RGS3: variants seen among roughly 807,000 people sequenced by gnomAD.
RGS3 encodes the protein regulator of G protein signaling 3.
In RGS3, 80 loss-of-function variants were observed where a neutral mutation model predicts 132.6. That is an observed-to-expected ratio of 0.60 (90% CI 0.50 to 0.73). The LOEUF (loss-of-function observed/expected upper bound fraction) is 0.73. Among genes scored for constraint, RGS3 ranks in the 30% least tolerant of loss-of-function variants. RGS3 has a pLI of 0.00. For synonymous variants in RGS3, 598 were observed against 620.6 expected (o/e 0.96, Z 0.54); for missense variants, 1,382 against 1,530.8 (o/e 0.90, Z 1.62).
chr9:113,565,294 A>G lies in RGS3; in HGVS notation c.2038-18156A>G, dbSNP rs975734688. 2 of 1,289,444 alleles carry G rather than the reference A, an allele frequency of 1.6e-6. No homozygotes were observed. The highest frequency in any genetic ancestry group is 1.2e-5 in the South Asian group (1 of 81,012). The allele number at this position is 1,289,444 out of a possible 1,614,324, so 79.9% of individuals were successfully genotyped here. On this transcript the variant is annotated intron_variant, in intron 19 of 24. Coordinates refer to ENST00000350696, the Ensembl canonical transcript of RGS3. This position sits in a 1 kb window ranked among gnomAD's most constrained non-coding sequence, Gnocchi z 5.7. ...ATGAAAGTGCTTTGAGAAACCACAGAGTTTTCTGTTTAATGGAAGAAAGAA... is the reference window on the plus strand; with the variant it reads ...ATGAAAGTGCTTTGAGAAACCACAGGGTTTTCTGTTTAATGGAAGAAAGAA...
chr9:113,448,734 T>C lies in RGS3; in HGVS notation c.-13+3807T>C, dbSNP rs927513205. On this transcript the variant is annotated intron_variant, in intron 1 of 25. Transcript: ENST00000374140. ...CACTGTAAGTGCTTAATAATATATGTTGAATGAGTGAATAAATGAAAAAAT... is the reference window on the plus strand; with the variant it reads ...CACTGTAAGTGCTTAATAATATATGCTGAATGAGTGAATAAATGAAAAAAT... Among the ~76,000 whole-genome samples the C allele has an allele frequency of 2.0e-5, 3 of 152,180 alleles. No individual in the cohort carries two copies. In the South Asian group the frequency reaches 6.2e-4, roughly 32 times the overall value.
At position 113,463,742 on chromosome 9, in the gene RGS3, TG is replaced by T. The variant is rs1359965129; in HGVS notation, c.415+1545del. On this transcript the variant is annotated intron_variant, in intron 3 of 24. Coordinates refer to ENST00000350696, the Ensembl canonical transcript of RGS3. This position sits in a 1 kb window ranked among gnomAD's most constrained non-coding sequence, Gnocchi z 4.6. ...CTCCCGCCCTGGAGACTCCGGTTACTGGGGAGCAACACAGCCGCCTCGGGTT... is the reference window on the plus strand; with the variant it reads ...CTCCCGCCCTGGAGACTCCGGTTACTGGGAGCAACACAGCCGCCTCGGGTT... 2 of 1,540,156 alleles carry T rather than the reference TG, an allele frequency of 1.3e-6. No homozygotes were observed. Among genetic ancestry groups the T allele is most frequent in the African/African-American group, 2.8e-5 (2 of 72,516 alleles).
chr9:113,459,706 C>T (rs1221261737), upstream of RGS3, among the ~76,000 whole-genome samples: 1 of 151,768 alleles, frequency 6.6e-6, no homozygotes. Flanking sequence ...CATTGCACTG[C>T]AGCCTGGGTG....
rs1829485308 is a variant in RGS3 at position 113,462,027 on chromosome 9, C to T, written c.241C>T (p.His81Tyr). ...TCCCATCTTGCTCCTGCAGGTCTGC[C>T]ACGTCTCTGTGCTCAGTGTCCTCTC... The change falls in exon 3 of 25, where the codon CAC (histidine) becomes TAC (tyrosine). Residue 81 changes from histidine to tyrosine, a missense_variant. By Grantham distance (83) the His-to-Tyr change is moderately conservative (BLOSUM62 2). Transcript: ENST00000350696. 1 of 1,613,362 alleles carries T rather than the reference C, an allele frequency of 6.2e-7. No homozygotes were observed. The highest frequency in any genetic ancestry group is 1.7e-4 in the Middle Eastern group (1 of 5,720).
chr9:113,538,406 C>G (rs940786462), intron 19 of RGS3, among the ~76,000 whole-genome samples: 1 of 152,220 alleles, frequency 6.6e-6, no homozygotes, highest in Non-Finnish European at 1.5e-5. Context: ...TCTGGGACGT[C>G]GAATGGCTGA....
chr9:113,511,278 T>C (rs1478069268), intron 14 of RGS3, among the ~76,000 whole-genome samples: 6 of 151,974 alleles, frequency 3.9e-5, no homozygotes, highest in African/African-American at 1.5e-4. Flanking sequence ...ATTTGGTCGG[T>C]GAAGCAGGTG....
chr9:113,486,786 T>A (rs1211177412), intron 7 of RGS3, among the ~76,000 whole-genome samples: 2 of 152,210 alleles, frequency 1.3e-5, no homozygotes, highest in Non-Finnish European at 2.9e-5. Context: ...AGCTAATATG[T>A]TTTTTAAAAT....
At chr9:113,498,345 G>A (rs1317333738) in intron 10 of RGS3, among the ~76,000 whole-genome samples, 3 of 152,066 alleles carry the variant, frequency 2.0e-5, no homozygotes, top group Non-Finnish European at 4.4e-5. Flanking sequence ...TACTAACTTT[G>A]GGCCTCTAGA....
intron 3 of RGS3, among the ~76,000 whole-genome samples, chr9:113,468,631 A>G (rs1014248738): frequency 1.3e-5 from 2 of 152,346 alleles, no homozygotes; most frequent in East Asian, 3.9e-4. Context: ...GTTTTAAAAT[A>G]TCATCTTGAA....
chr9:113,486,435 C>T (rs1419767934), intron 7 of RGS3, among the ~76,000 whole-genome samples: 2 of 152,228 alleles, frequency 1.3e-5, no homozygotes, highest in East Asian at 3.8e-4. Flanking sequence ...TCCAAACAGG[C>T]TGATCTTGCA....
rs2119269637 is a variant in RGS3, at chr9:113,494,720, C to T, written c.690-1066C>T. 2.6e-5 allele frequency among the ~76,000 whole-genome samples: 4 copies of T among 152,342 alleles called. No homozygotes were observed. The South Asian group carries it at 8.3e-4, about 32-fold the overall frequency. On this transcript the variant is annotated intron_variant, in intron 7 of 24. Transcript: ENST00000350696. ...CAGGCTGGTCTCAAACTCCTGGGCT[C>T]AAGTGATGCCTTCCAAAGTGCTGGA...
chr9:113,519,621 A>G (rs1044779584), intron 16 of RGS3, among the ~76,000 whole-genome samples: 1 of 151,616 alleles, frequency 6.6e-6, no homozygotes, highest in African/African-American at 2.4e-5. Context: ...GTAACTTTCC[A>G]GTTAAATGGT....
chr9:113,538,108 C>T (rs776712034), intron 19 of RGS3, among the ~76,000 whole-genome samples: 8 of 152,212 alleles, frequency 5.3e-5, no homozygotes, highest in Non-Finnish European at 8.8e-5. Flanking sequence ...TAACCTGGGA[C>T]AATAGTCCTT....
chr9:113,493,687 C>A (rs1280165329), intron 7 of RGS3, among the ~76,000 whole-genome samples: 1 of 152,132 alleles, frequency 6.6e-6, no homozygotes, highest in African/African-American at 2.4e-5. Flanking sequence ...CTGGGGCAGG[C>A]ATAAGTGGGT....
intron 19 of RGS3, among the ~76,000 whole-genome samples, chr9:113,547,068 G>A (rs1372820928): frequency 6.6e-6 from 1 of 152,166 alleles, no homozygotes; most frequent in African/African-American, 2.4e-5. Context: ...CAGAAAAGGT[G>A]GAGATCCAGA....
chr9:113,447,743 A>G (rs1326072766), intron 1 of RGS3, among the ~76,000 whole-genome samples: 1 of 151,636 alleles, frequency 6.6e-6, no homozygotes, highest in Non-Finnish European at 1.5e-5. Flanking sequence ...AGCAAGTCAT[A>G]TTAGGTGCAG....
intron 3 of RGS3, among the ~76,000 whole-genome samples, 182 bp downstream of exon 1, chr9:113,464,063 AGCAAGC>A (rs1829550246): frequency 6.6e-6 from 1 of 152,196 alleles, no homozygotes. Context: ...GCTCAGTCCA[AGCAAGC>A]TGCTGGACAC....
intron 3 of RGS3, among the ~76,000 whole-genome samples, chr9:113,472,774 C>T (rs368542305): frequency 2.0e-5 from 3 of 152,080 alleles, no homozygotes; most frequent in South Asian, 2.1e-4. Context: ...TGGCCGTGCA[C>T]GGTGGCTCAA....
At chr9:113,595,209 A>AG (rs1363690203) in intron 23 of RGS3, 1 of 592,066 alleles carries the variant, frequency 1.7e-6, no homozygotes, top group East Asian at 2.8e-5. Flanking sequence ...TGCCTGCCGG[A>AG]GGCCCGTGGG....
Sources: gnomAD v4.1 joint callset for allele counts (sites outside exome capture counted in the v4.1 genomes callset) on GRCh38, gnomAD v4.1.1 for gene constraint, Gnocchi (gnomAD v3.1) non-coding constraint, MANE v1.5 for transcripts, NCBI Gene and HGNC (gene_info 2026-07-23, HGNC 2026-07-21) for gene names.